PIEZO2: variants seen among roughly 807,000 people sequenced by gnomAD.
The protein encoded by PIEZO2 is piezo-type mechanosensitive ion channel component 2.
Under a neutral mutation model 337.3 loss-of-function variants are expected in PIEZO2, and 172 were observed. The ratio of observed to expected loss-of-function variants is 0.51; its 90% confidence interval spans 0.45 to 0.58. PIEZO2 has a LOEUF of 0.58. Ranked by LOEUF, PIEZO2 falls within the 20% of genes least tolerant of loss-of-function variation. The pLI, the probability that PIEZO2 is intolerant of heterozygous loss-of-function variation, is 0.00. For synonymous variants in PIEZO2, 1,251 were observed against 1,228.5 expected (o/e 1.02, Z -0.38); for missense variants, 3,028 against 3,391.3 (o/e 0.89, Z 2.66).
Position 10,813,287 on chromosome 18 carries a change from A to G in PIEZO2, c.918-6013T>C, listed in dbSNP as rs2040256722. ...AGCCACCGCGCCCGGGCCATTTTAA[A>G]CATTTTTAAGAACACAGTTCAGTGG... is the stretch of plus-strand genomic sequence containing the variant. On this transcript the variant is annotated intron_variant, in intron 7 of 55. Coordinates refer to ENST00000674853, the MANE Select transcript of PIEZO2 (RefSeq NM_001378183.1). This position sits in a 1 kb window ranked among gnomAD's most constrained non-coding sequence, Gnocchi z 4.2. 6.6e-6 allele frequency among the ~76,000 whole-genome samples: 1 copy of G among 152,044 alleles called. No individual in the cohort carries two copies. The highest frequency in any genetic ancestry group is 2.4e-5 in the African/African-American group (1 of 41,330).
rs115493000 is a variant in PIEZO2, at chr18:10,859,845, G to C, written c.493-2634C>G. Among the ~76,000 whole-genome samples the C allele has an allele frequency of 3.3e-3, 501 of 152,310 alleles. 4 individuals are homozygous for C. The highest frequency in any genetic ancestry group is 0.011 in the African/African-American group (460 of 41,570). On this transcript the variant is annotated intron_variant, in intron 5 of 55. Coordinates refer to ENST00000674853, the MANE Select transcript of PIEZO2 (RefSeq NM_001378183.1). The surrounding 1 kb of genome is among the most constrained non-coding windows in gnomAD (Gnocchi z 4.9). ...GGGCGGAGCAGAGGGAGGCAGCAGC[G>C]GGGAGGTGGTGGCTGTGCTGGAGGA...
rs1167799540 is a variant in PIEZO2 at position 11,092,277 on chromosome 18, T to C, written c.65-26055A>G. 6.6e-6 allele frequency among the ~76,000 whole-genome samples: 1 copy of C among 152,222 alleles called. No homozygotes were observed. Among genetic ancestry groups the C allele is most frequent in the Non-Finnish European group, 1.5e-5 (1 of 68,026 alleles). On this transcript the variant is annotated intron_variant, in intron 1 of 55. Transcript: ENST00000674853. This position sits in a 1 kb window ranked among gnomAD's most constrained non-coding sequence, Gnocchi z 4.5. Reference sequence around the variant, plus strand: ...AAGATATTAAGAAAAGTCCATATTATGGAATACTGTTCATCCATTTGAAAT... The same window carrying C: ...AAGATATTAAGAAAAGTCCATATTACGGAATACTGTTCATCCATTTGAAAT...
At position 10,675,192 on chromosome 18, in the gene PIEZO2, A is replaced by G. The variant is rs1257788093; in HGVS notation, c.8161+17T>C. The G allele has an allele frequency of 1.3e-6, 2 of 1,500,160 alleles. No individual in the cohort carries two copies. Among genetic ancestry groups the G allele is most frequent in the Non-Finnish European group, 1.8e-6 (2 of 1,099,384 alleles). The allele number at this position is 1,500,160 out of a possible 1,614,324, so 92.9% of individuals were successfully genotyped here. A position where few individuals can be genotyped will look rare whatever the true frequency, so the allele number is the denominator to read the frequency against. ...AGGATTGAAAACAATTCTGAAACAA[A>G]TTTTTCTCATTCTTACCAGATAAAA... On this transcript the variant is annotated intron_variant, in intron 54 of 55. Coordinates refer to ENST00000674853, the MANE Select transcript of PIEZO2 (RefSeq NM_001378183.1).
At chr18:10,729,682 T>C (rs2036688996) in intron 36 of PIEZO2, among the ~76,000 whole-genome samples, 1 of 151,766 alleles carries the variant, frequency 6.6e-6, no homozygotes, top group Admixed American at 6.6e-5. Context: ...TCTTTAATCA[T>C]GCCACTTAAT....
chr18:10,788,620 C>G (rs1307928218), intron 15 of PIEZO2, among the ~76,000 whole-genome samples: 1 of 151,914 alleles, frequency 6.6e-6, no homozygotes, highest in Non-Finnish European at 1.5e-5. Flanking sequence ...AATCTGTTGC[C>G]CAGCTGGAGT....
chr18:10,854,343 T>C lies in PIEZO2; in HGVS notation c.917+1010A>G, dbSNP rs921009631. Among the ~76,000 whole-genome samples the C allele has an allele frequency of 6.6e-5, 10 of 152,250 alleles. No homozygotes were observed. The highest frequency in any genetic ancestry group is 2.4e-4 in the African/African-American group (10 of 41,462). ...CACACCTTTGGAAAGATGTTATTTT[T>C]TTTCTTTGCAATTAGCAAGCACCAA... On this transcript the variant is annotated intron_variant, in intron 7 of 55. Transcript: ENST00000674853. This position sits in a 1 kb window ranked among gnomAD's most constrained non-coding sequence, Gnocchi z 4.6.
In PIEZO2 at chr18:11,033,602, T is replaced by C. The variant is rs892672955; in HGVS notation, c.160+32525A>G. Among the ~76,000 whole-genome samples the C allele has an allele frequency of 2.0e-5, 3 of 152,356 alleles. No homozygotes were observed. In the East Asian group the frequency reaches 5.8e-4, roughly 29 times the overall value. On this transcript the variant is annotated intron_variant, in intron 2 of 55. Transcript: ENST00000674853. The surrounding 1 kb of genome is among the most constrained non-coding windows in gnomAD (Gnocchi z 4.2). ...TCTCTGATGCTGAATGTCAAAATACTGCATTTCACTGAAAAAAGCTAGTCT... is the reference window on the plus strand; with the variant it reads ...TCTCTGATGCTGAATGTCAAAATACCGCATTTCACTGAAAAAAGCTAGTCT...
rs2039244225 is a variant in PIEZO2 at position 10,786,950 on chromosome 18, TTAC to T, written c.2318+83_2318+85del. On this transcript the variant is annotated intron_variant, in intron 16 of 55. Coordinates refer to ENST00000674853, the MANE Select transcript of PIEZO2 (RefSeq NM_001378183.1). ...TTATAGACATTGATGACATCATGCTTTACTAAAATCTTCCTTAAAGATGCTTTG... is the reference window on the plus strand; with the variant it reads ...TTATAGACATTGATGACATCATGCTTTAAAATCTTCCTTAAAGATGCTTTG... The T allele has an allele frequency of 3.9e-6, 5 of 1,282,956 alleles. No homozygotes were observed. The Admixed American group carries it at 1.0e-4, about 26-fold the overall frequency. The allele number at this position is 1,282,956 out of a possible 1,614,324, so 79.5% of individuals were successfully genotyped here. A position where few individuals can be genotyped will look rare whatever the true frequency, so the allele number is the denominator to read the frequency against.
At chr18:10,779,378 T>C (rs2038899294) in intron 18 of PIEZO2, among the ~76,000 whole-genome samples, 2 of 152,272 alleles carry the variant, frequency 1.3e-5, no homozygotes, top group South Asian at 4.1e-4. Flanking sequence ...GTGAATATTT[T>C]AATTCACCTA....
At chr18:10,674,948 A>G (rs1032633464) in intron 54 of PIEZO2, among the ~76,000 whole-genome samples, 2 of 152,218 alleles carry the variant, frequency 1.3e-5, no homozygotes, top group Non-Finnish European at 2.9e-5. Context: ...AATCTGATGA[A>G]TCAGTACTAT....
chr18:10,866,432 C>T (rs528693453), intron 5 of PIEZO2, among the ~76,000 whole-genome samples: 34 of 152,146 alleles, frequency 2.2e-4, no homozygotes, highest in Non-Finnish European at 3.7e-4. Flanking sequence ...ACTACAGGCA[C>T]CCGCCACCAC....
chr18:10,782,416 T>G (rs1303068306), intron 17 of PIEZO2, among the ~76,000 whole-genome samples: 2 of 63,786 alleles, frequency 3.1e-5, no homozygotes, highest in South Asian at 3.8e-4. Flanking sequence ...TAATATATTA[T>G]AATTATATAT....
intron 26 of PIEZO2, among the ~76,000 whole-genome samples, chr18:10,758,380 G>T (rs923273837): frequency 1.3e-5 from 2 of 152,162 alleles, no homozygotes; most frequent in African/African-American, 4.8e-5. Context: ...AATTTTGTTT[G>T]CACATCGGTG....
rs1450546822 is a variant in PIEZO2 at position 10,781,729 on chromosome 18, T to A, written c.2493-1363A>T. Among the ~76,000 whole-genome samples, 2 of 152,138 alleles carry A rather than the reference T, an allele frequency of 1.3e-5. No homozygotes were observed. ...AATTCTGCTTCATACACAAGTGACA[T>A]GTGCCTACATTACATCTGTGTGCAT... On this transcript the variant is annotated intron_variant, in intron 17 of 55. Transcript: ENST00000674853. The surrounding 1 kb of genome is among the most constrained non-coding windows in gnomAD (Gnocchi z 4.1).
chr18:10,737,298 C>CAAAACA (rs2037043861), intron 33 of PIEZO2, among the ~76,000 whole-genome samples: 5 of 104,574 alleles, frequency 4.8e-5, no homozygotes, highest in African/African-American at 2.0e-4. Flanking sequence ...AAAAAAAAAA[C>CAAAACA]AAAAAAACAC....
chr18:11,065,377 G>A (rs571874617), intron 2 of PIEZO2, among the ~76,000 whole-genome samples: 31 of 152,264 alleles, frequency 2.0e-4, no homozygotes, highest in African/African-American at 6.5e-4. Context: ...TTCTCATAAC[G>A]GTAGAGTTTT....
At chr18:10,986,136 T>G (rs2034861487) in intron 2 of PIEZO2, among the ~76,000 whole-genome samples, 1 of 152,030 alleles carries the variant, frequency 6.6e-6, no homozygotes, top group South Asian at 2.1e-4. Context: ...ATAGCTTCAC[T>G]GTTGAACTCT....
chr18:10,817,477 T>G (rs964095048), intron 7 of PIEZO2, among the ~76,000 whole-genome samples: 1 of 152,142 alleles, frequency 6.6e-6, no homozygotes, highest in African/African-American at 2.4e-5. Context: ...TGTAAAAAAT[T>G]TATAAGGCAC....
intron 15 of PIEZO2, among the ~76,000 whole-genome samples, 177 bp from the exon 16 acceptor site, chr18:10,787,361 G>T (rs1159877604): frequency 6.6e-6 from 1 of 152,194 alleles, no homozygotes; most frequent in Non-Finnish European, 1.5e-5. Context: ...GTGGTCCTGG[G>T]TTAGAACCCC....
Sources: allele counts gnomAD v4.1 joint callset (sites outside exome capture counted in the v4.1 genomes callset), GRCh38; gene constraint gnomAD v4.1.1; non-coding constraint Gnocchi (gnomAD v3.1); transcripts MANE v1.5; gene names NCBI Gene and HGNC (gene_info 2026-07-23, HGNC 2026-07-21).